PHIP: variants seen among roughly 807,000 people sequenced by gnomAD.
PHIP encodes PHIP subunit of CUL4-Ring ligase complex, also known as PH-interacting protein.
A neutral mutation model predicts 236.8 loss-of-function variants in PHIP; 54 were observed. That is an observed-to-expected ratio of 0.23 (90% CI 0.18 to 0.29). PHIP has a LOEUF of 0.29. Among genes scored for constraint, PHIP ranks in the 10% least tolerant of loss-of-function variants. The probability of loss-of-function intolerance (pLI) is 1.00; values close to 1 mark genes in which losing one functional copy is unlikely to be tolerated. For missense variants in PHIP, 1,370 were observed against 2,190.8 expected, an observed-to-expected ratio of 0.63 and a Z score of 7.48; for synonymous variants, 756 against 718.9, an observed-to-expected ratio of 1.05 and a Z score of -0.83.
intron 2 of PHIP, 28 bp downstream of exon 2, chr6:79,077,827 G>A (rs1461552799): frequency 6.6e-6 from 9 of 1,364,256 alleles, no homozygotes; most frequent in Non-Finnish European, 7.6e-6. Context: ...GCGAGCGCCG[G>A]CCCGGCCCGC....
At chr6:79,039,671 C>T (rs1772113954) in intron 7 of PHIP, among the ~76,000 whole-genome samples, 1 of 152,072 alleles carries the variant, frequency 6.6e-6, no homozygotes, top group Admixed American at 6.6e-5. Context: ...TAATTAGAAT[C>T]AGAGAGACAA....
At chr6:79,026,363 A>G (rs1771399504) in intron 7 of PHIP, among the ~76,000 whole-genome samples, 199 bp from the exon 8 acceptor site, 1 of 152,176 alleles carries the variant, frequency 6.6e-6, no homozygotes, top group African/African-American at 2.4e-5. Context: ...TCACCAGCAA[A>G]TAAGACAAGT....
rs577916194 is a variant in PHIP at position 78,940,164 on chromosome 6, T to C, written c.*529A>G. The C allele has an allele frequency of 5.3e-5, 8 of 152,228 alleles. No individual in the cohort carries two copies. The highest frequency in any genetic ancestry group is 1.2e-4 in the African/African-American group (5 of 41,552). The allele number at this position is 152,228 out of a possible 1,614,324, so 9.4% of individuals were successfully genotyped here. On this transcript the variant is annotated 3_prime_UTR_variant, in exon 40 of 40. Coordinates refer to ENST00000275034, the MANE Select transcript of PHIP (RefSeq NM_017934.7). ...AATTAAAATTAAACTGTTTAGGGTA[T>C]CAAATGGTGGAAATTTTATATTTAT...
chr6:79,044,578 C>G (rs1582276030), intron 6 of PHIP, among the ~76,000 whole-genome samples: 1 of 152,172 alleles, frequency 6.6e-6, no homozygotes. Flanking sequence ...ACATCTCAGA[C>G]TCAGCTGTCT....
chr6:79,035,457 T>C (rs1169700987), intron 7 of PHIP, among the ~76,000 whole-genome samples: 1 of 152,194 alleles, frequency 6.6e-6, no homozygotes, highest in Non-Finnish European at 1.5e-5. Flanking sequence ...TATTGACCTA[T>C]GTACCTAAAA....
chr6:78,975,128 A>C (rs963876134), intron 24 of PHIP, among the ~76,000 whole-genome samples: 1 of 151,982 alleles, frequency 6.6e-6, no homozygotes, highest in East Asian at 1.9e-4. Flanking sequence ...TCCTCAATAA[A>C]ATACTGGCAA....
At chr6:79,047,253 C>T (rs1355794502) in intron 6 of PHIP, among the ~76,000 whole-genome samples, 1 of 152,170 alleles carries the variant, frequency 6.6e-6, no homozygotes, top group Non-Finnish European at 1.5e-5. Context: ...TTAGATGTGA[C>T]TATGCGCATA....
intron 7 of PHIP, among the ~76,000 whole-genome samples, chr6:79,042,480 T>A (rs1772272108): frequency 6.6e-6 from 1 of 152,076 alleles, no homozygotes; most frequent in African/African-American, 2.4e-5. Context: ...CATACAATTA[T>A]AAAAAGGCAC....
intron 24 of PHIP, among the ~76,000 whole-genome samples, chr6:78,977,143 T>TA (rs1768150786): frequency 6.9e-6 from 1 of 145,808 alleles, no homozygotes; most frequent in Non-Finnish European, 1.5e-5. Context: ...CCAACAATGA[T>TA]AGACTGGATT....
At chr6:78,952,531 T>C (rs1766111168) in intron 35 of PHIP, among the ~76,000 whole-genome samples, 1 of 152,094 alleles carries the variant, frequency 6.6e-6, no homozygotes, top group Non-Finnish European at 1.5e-5. Flanking sequence ...ACTGAAATTT[T>C]TGTTAGACAT....
chr6:78,940,496 T>TTATA lies in PHIP; in HGVS notation c.*193_*196dup, dbSNP rs55984056. On this transcript the variant is annotated 3_prime_UTR_variant, in exon 40 of 40. Transcript: ENST00000275034. ...ACATTTAAAATATATATGTATATAT[T>TTATA]TATATATATATATATATATTCATTT... The TTATA allele has an allele frequency of 7.6e-6, 1 of 130,764 alleles. No homozygotes were observed. The highest frequency in any genetic ancestry group is 2.8e-5 in the African/African-American group (1 of 35,088). The allele number at this position is 130,764 out of a possible 1,614,324, so 8.1% of individuals were successfully genotyped here.
At chr6:79,061,127 G>A (rs1023072968) in intron 4 of PHIP, among the ~76,000 whole-genome samples, 3 of 152,054 alleles carry the variant, frequency 2.0e-5, no homozygotes, top group Admixed American at 2.0e-4. Flanking sequence ...AAAAGTTTGA[G>A]CACTTTTGGA....
intron 9 of PHIP, among the ~76,000 whole-genome samples, chr6:79,021,506 A>G (rs1327653929): frequency 6.6e-6 from 1 of 152,250 alleles, no homozygotes; most frequent in Non-Finnish European, 1.5e-5. Context: ...CGGATAAAGA[A>G]AATGTGGTAC....
intron 6 of PHIP, among the ~76,000 whole-genome samples, chr6:79,049,753 TGACTA>T (rs1582285049): frequency 6.6e-6 from 1 of 152,314 alleles, no homozygotes; most frequent in East Asian, 1.9e-4. Flanking sequence ...GCTATATTCA[TGACTA>T]GACATCAGAG....
chr6:78,980,653 C>G (rs192591574), intron 23 of PHIP, among the ~76,000 whole-genome samples: 1 of 151,900 alleles, frequency 6.6e-6, no homozygotes, highest in African/African-American at 2.4e-5. Context: ...GATATATACA[C>G]AGTTATCAAA....
intron 32 of PHIP, chr6:78,956,718 G>A (rs1400541414): frequency 1.3e-5 from 2 of 152,040 alleles, no homozygotes; most frequent in Non-Finnish European, 2.9e-5. Flanking sequence ...AACATTTCCA[G>A]AATCTATCAG....
intron 1 of PHIP, 36 bp downstream of exon 1, chr6:79,077,993 C>G: frequency 1.2e-6 from 2 of 1,606,114 alleles, no homozygotes; most frequent in East Asian, 4.5e-5. Context: ...GGCGGAATCG[C>G]CCGGTGCCAG....
At chr6:78,984,295 C>T (rs1230506165) in intron 22 of PHIP, among the ~76,000 whole-genome samples, 1 of 152,138 alleles carries the variant, frequency 6.6e-6, no homozygotes, top group Non-Finnish European at 1.5e-5. Context: ...AGAACTTACA[C>T]TATTTTCAGC....
intron 16 of PHIP, 45 bp from the exon 17 acceptor site, chr6:79,002,169 A>C: frequency 1.5e-6 from 2 of 1,342,482 alleles, no homozygotes; most frequent in Non-Finnish European, 2.1e-6. Context: ...ATAAAAATGT[A>C]TCATTGTAGA....
Sources: allele counts gnomAD v4.1 joint callset (sites outside exome capture counted in the v4.1 genomes callset), GRCh38; gene constraint gnomAD v4.1.1; transcripts MANE v1.5; gene names NCBI Gene and HGNC (gene_info 2026-07-23, HGNC 2026-07-21).